Variants in ACAP2 observed in about 807,000 individuals in gnomAD.
The protein encoded by ACAP2 is ArfGAP with coiled-coil, ankyrin repeat and PH domains 2.
Under a neutral mutation model 115.8 loss-of-function variants are expected in ACAP2, and 39 were observed. The ratio of observed to expected loss-of-function variants is 0.34; its 90% confidence interval spans 0.26 to 0.44. The LOEUF is 0.44. ACAP2 is among the 20% of genes least tolerant of loss of function. ACAP2 has a pLI of 1.00. For synonymous variants in ACAP2, 289 were observed against 315.8 expected (o/e 0.92, Z 0.90); for missense variants, 662 against 927.6 (o/e 0.71, Z 3.72).
At chr3:195,340,589 G>T (rs1047040312) in intron 6 of ACAP2, among the ~76,000 whole-genome samples, 2 of 152,202 alleles carry the variant, frequency 1.3e-5, no homozygotes, top group African/African-American at 4.8e-5. Flanking sequence ...AAAAGAAATA[G>T]AAGTTGGGAG....
At position 195,333,205 on chromosome 3, in the gene ACAP2, T is replaced by C. The variant is rs191212606; in HGVS notation, c.574-82A>G. On this transcript the variant is annotated intron_variant, in intron 7 of 22. Transcript: ENST00000326793. ...AATATTACATATATATATAAAAATA[T>C]ATAAAAGACAGGGTCTTGCTCTGTT... 3.7e-4 allele frequency: 236 copies of C among 639,320 alleles called. No homozygotes were observed. The African/African-American group carries it at 4.3e-3, about 12-fold the overall frequency. The allele number at this position is 639,320 out of a possible 1,614,324, so 39.6% of individuals were successfully genotyped here.
chr3:195,413,136 C>T (rs1183791711), intron 1 of ACAP2, among the ~76,000 whole-genome samples: 1 of 152,034 alleles, frequency 6.6e-6, no homozygotes. Context: ...AAACTTTGTT[C>T]CTTTTGTAAG....
intron 12 of ACAP2, 66 bp downstream of exon 12, chr3:195,307,157 G>A: frequency 7.5e-7 from 1 of 1,331,804 alleles, no homozygotes; most frequent in East Asian, 2.3e-5. Context: ...TCTCTACTCT[G>A]GAAAGTTATT....
chr3:195,275,367 T>G lies in ACAP2; in HGVS notation c.*3961A>C, dbSNP rs1191417481. 1 of 152,196 alleles carries G rather than the reference T, an allele frequency of 6.6e-6. No homozygotes were observed. The highest frequency in any genetic ancestry group is 1.5e-5 in the Non-Finnish European group (1 of 68,032). The allele number at this position is 152,196 out of a possible 1,614,324, so 9.4% of individuals were successfully genotyped here. ...ATGTCATTTGGAAGCATCAAGAAAT[T>G]GATAAGTATGTGGTGAATTAAAATT... On this transcript the variant is annotated 3_prime_UTR_variant, in exon 23 of 23. Coordinates refer to ENST00000326793, the MANE Select transcript of ACAP2 (RefSeq NM_012287.6).
chr3:195,404,041 G>C (rs1418657061), intron 1 of ACAP2, among the ~76,000 whole-genome samples: 3 of 152,154 alleles, frequency 2.0e-5, no homozygotes, highest in Non-Finnish European at 4.4e-5. Flanking sequence ...AGCAACTGAT[G>C]ACATAAGAAG....
intron 2 of ACAP2, among the ~76,000 whole-genome samples, chr3:195,389,117 CA>C (rs1734490576): frequency 6.6e-6 from 1 of 151,272 alleles, no homozygotes; most frequent in Non-Finnish European, 1.5e-5. Flanking sequence ...CGAGGGAAAA[CA>C]GTGATTTTTT....
At chr3:195,332,590 G>A (rs1730245059) in intron 8 of ACAP2, among the ~76,000 whole-genome samples, 1 of 152,090 alleles carries the variant, frequency 6.6e-6, no homozygotes, top group South Asian at 2.1e-4. Context: ...ATTTGGCTGT[G>A]TCCCCACCCA....
At chr3:195,294,607 AATTATAT>A (rs1308642476) in intron 18 of ACAP2, 105 bp downstream of exon 18, 1,320 of 57,974 alleles carry the variant, frequency 0.023, 33 homozygotes, top group African/African-American at 0.058. Context: ...AAAAAAAAAA[AATTATAT>A]ATATATATAT....
At chr3:195,294,851 C>T (rs763191757) in intron 17 of ACAP2, 40 bp from the exon 18 acceptor site, 2 of 1,323,466 alleles carry the variant, frequency 1.5e-6, no homozygotes, top group Middle Eastern at 1.9e-4. Context: ...AAAGTTCATG[C>T]CATTTAGAAA....
At position 195,285,935 on chromosome 3, in the gene ACAP2, A is replaced by T. The variant is rs1422284496; in HGVS notation, c.2175-78T>A. 98 of 1,033,134 alleles carry T rather than the reference A, an allele frequency of 9.5e-5. No individual in the cohort carries two copies. The South Asian group carries it at 1.5e-3, about 16-fold the overall frequency. The allele number at this position is 1,033,134 out of a possible 1,614,324, so 64.0% of individuals were successfully genotyped here. ...TAAATAAAGTCTATAAACAGGTAAT[A>T]CATGTACTAATGTAATTGTGTTTTA... On this transcript the variant is annotated intron_variant, in intron 21 of 22. Transcript: ENST00000326793.
chr3:195,420,548 C>G (rs148402357), intron 1 of ACAP2, among the ~76,000 whole-genome samples: 245 of 152,098 alleles, frequency 1.6e-3, no homozygotes, highest in African/African-American at 5.6e-3. Context: ...TGGGGTTTCA[C>G]CGTGTTAGAT....
At chr3:195,401,370 TAA>T (rs1712277410) in intron 1 of ACAP2, among the ~76,000 whole-genome samples, 1 of 152,198 alleles carries the variant, frequency 6.6e-6, no homozygotes, top group Non-Finnish European at 1.5e-5. Flanking sequence ...ATGTGTATAT[TAA>T]GAGAAGACTA....
At chr3:195,332,326 C>T (rs1577314198) in intron 8 of ACAP2, among the ~76,000 whole-genome samples, 2 of 152,124 alleles carry the variant, frequency 1.3e-5, no homozygotes, top group South Asian at 4.2e-4. Context: ...AACAATAACT[C>T]AATTATCCAA....
intron 1 of ACAP2, among the ~76,000 whole-genome samples, chr3:195,398,689 T>C (rs1302812894): frequency 6.9e-6 from 1 of 145,002 alleles, no homozygotes; most frequent in African/African-American, 2.6e-5. Context: ...AAAATGTCTC[T>C]GCCTTCATTG....
At chr3:195,402,260 C>G (rs1327320585) in intron 1 of ACAP2, among the ~76,000 whole-genome samples, 1 of 152,072 alleles carries the variant, frequency 6.6e-6, no homozygotes, top group South Asian at 2.1e-4. Flanking sequence ...TGGGGTCACG[C>G]AAAATGGTGA....
At chr3:195,290,849 T>A (rs149515800) in intron 20 of ACAP2, among the ~76,000 whole-genome samples, 1,475 of 134,104 alleles carry the variant, frequency 0.011, 10 homozygotes, top group Non-Finnish European at 0.015. Context: ...AATAAATAAA[T>A]AATAAATAAA....
intron 10 of ACAP2, among the ~76,000 whole-genome samples, chr3:195,314,879 T>C (rs1260982075): frequency 1.3e-5 from 2 of 152,238 alleles, no homozygotes; most frequent in Admixed American, 1.3e-4. Flanking sequence ...AAATTTAAAT[T>C]CCAAATTTTT....
At chr3:195,434,869 T>C (rs1315562868) in intron 1 of ACAP2, among the ~76,000 whole-genome samples, 1 of 152,218 alleles carries the variant, frequency 6.6e-6, no homozygotes, top group East Asian at 1.9e-4. Context: ...TGTCATCAAT[T>C]ATCTGTAGTA....
Position 195,301,848 on chromosome 3 carries a change from A to G in ACAP2, c.1325+118T>C, listed in dbSNP as rs111743895. On this transcript the variant is annotated intron_variant, in intron 14 of 22. Coordinates refer to ENST00000326793, the MANE Select transcript of ACAP2 (RefSeq NM_012287.6). Reference sequence around the variant, plus strand: ...TTTAACTACTTCTTAAAAGGTACAAAGATACAAACTGGTGATTAAATTAGG... The same window carrying G: ...TTTAACTACTTCTTAAAAGGTACAAGGATACAAACTGGTGATTAAATTAGG... The G allele has an allele frequency of 3.2e-3, 4,172 of 1,300,224 alleles. 70 individuals are homozygous for G. In the African/African-American group the frequency reaches 0.042, roughly 13 times the overall value. The allele number at this position is 1,300,224 out of a possible 1,614,324, so 80.5% of individuals were successfully genotyped here.
Sources: allele counts gnomAD v4.1 joint callset (sites outside exome capture counted in the v4.1 genomes callset), GRCh38; gene constraint gnomAD v4.1.1; transcripts MANE v1.5; gene names NCBI Gene and HGNC (gene_info 2026-07-23, HGNC 2026-07-21).